Variants in QRICH1 observed in about 807,000 individuals in gnomAD.
QRICH1 encodes transcriptional regulator QRICH1.
In QRICH1, 16 loss-of-function variants were observed where a neutral mutation model predicts 87.1. That is an observed-to-expected ratio of 0.18 (90% CI 0.12 to 0.28). QRICH1 has a LOEUF of 0.28. Among genes scored for constraint, QRICH1 ranks in the 10% least tolerant of loss-of-function variants. QRICH1 has a pLI of 1.00. For synonymous variants in QRICH1, 367 were observed against 368.4 expected (o/e 1.00, Z 0.05); for missense variants, 647 against 951.7 (o/e 0.68, Z 4.21).
At chr3:49,066,899 G>T (rs930825713) in intron 2 of QRICH1, among the ~76,000 whole-genome samples, 1 of 151,818 alleles carries the variant, frequency 6.6e-6, no homozygotes, top group Non-Finnish European at 1.5e-5. Context: ...TTACCCAGAC[G>T]TGGTGGTGTG....
chr3:49,066,464 T>C (rs544321068), intron 2 of QRICH1, among the ~76,000 whole-genome samples: 2 of 150,576 alleles, frequency 1.3e-5, no homozygotes, highest in African/African-American at 4.9e-5. Context: ...ACTTTACTTT[T>C]CTTTTTTTTT....
intron 6 of QRICH1, chr3:49,033,865 T>C (rs989875428): frequency 2.0e-5 from 3 of 152,122 alleles, no homozygotes; most frequent in African/African-American, 4.8e-5. Context: ...CGGGCTCCTG[T>C]AGTCCCAGCT....
At position 49,081,416 on chromosome 3, in the gene QRICH1, TAAAAAAAAA is replaced by T. The variant is rs771412819; in HGVS notation, c.-21-4387_-21-4379del. Among the ~76,000 whole-genome samples the T allele has an allele frequency of 3.7e-5, 5 of 135,284 alleles. No individual in the cohort carries two copies. The East Asian group carries it at 1.1e-3, about 29-fold the overall frequency. 88.8% of individuals were successfully genotyped at this position (135,284 alleles called of 152,430 possible). A position where few individuals can be genotyped will look rare whatever the true frequency, so the allele number is the denominator to read the frequency against. ...TAGGCAACAGAGTGAGACTCCATCTTAAAAAAAAAAAAAAAAAAATTTCAGAGTATCTAT... is the reference window on the plus strand; with the variant it reads ...TAGGCAACAGAGTGAGACTCCATCTTAAAAAAAAAATTTCAGAGTATCTAT... On this transcript the variant is annotated intron_variant, in intron 1 of 9. Transcript: ENST00000395443.
At chr3:49,080,821 G>C (rs1173042570) in intron 1 of QRICH1, among the ~76,000 whole-genome samples, 4 of 150,884 alleles carry the variant, frequency 2.7e-5, no homozygotes, top group African/African-American at 7.3e-5. Context: ...TGGGGACAGG[G>C]ATATGAAACT....
At position 49,047,109 on chromosome 3, in the gene QRICH1, T is replaced by C; in HGVS notation, c.1476A>G (p.Glu492=). Reference sequence around the variant, plus strand: ...ATCTGTTCTGAGCATCCTTCTCTAGTTCAGCATTCTTGGTCTGGGCCCAGT... The same window carrying C: ...ATCTGTTCTGAGCATCCTTCTCTAGCTCAGCATTCTTGGTCTGGGCCCAGT... ...WKNWAQTKNA[E]LEKDAQNRLA... is the part of the protein sequence containing the mutation. The change falls in exon 4 of 10, where the codon GAA becomes GAG. Residue 492 remains glutamate, a synonymous_variant. Coordinates refer to ENST00000395443, the MANE Select transcript of QRICH1 (RefSeq NM_198880.3). 1.9e-6 allele frequency: 3 copies of C among 1,614,172 alleles called. No individual in the cohort carries two copies. The highest frequency in any genetic ancestry group is 2.7e-5 in the African/African-American group (2 of 75,048).
At chr3:49,051,375 C>T (rs1017274385) in intron 3 of QRICH1, among the ~76,000 whole-genome samples, 1 of 152,158 alleles carries the variant, frequency 6.6e-6, no homozygotes, top group African/African-American at 2.4e-5. Context: ...CCCGGACCTC[C>T]CTCAGCTATC....
At chr3:49,056,454 G>C (rs907624739) in intron 3 of QRICH1, among the ~76,000 whole-genome samples, 5 of 152,180 alleles carry the variant, frequency 3.3e-5, no homozygotes, top group African/African-American at 1.2e-4. Context: ...CCAGTGATGA[G>C]TTTGTAATCT....
chr3:49,088,609 CTTT>C (rs1170931678), intron 1 of QRICH1, among the ~76,000 whole-genome samples: 1 of 143,644 alleles, frequency 7.0e-6, no homozygotes, highest in African/African-American at 2.6e-5. Flanking sequence ...CTGCACCAGG[CTTT>C]TGTCTGTTTT....
chr3:49,075,027 A>C (rs1002471730), intron 2 of QRICH1, among the ~76,000 whole-genome samples: 2 of 151,874 alleles, frequency 1.3e-5, no homozygotes, highest in Admixed American at 1.3e-4. Context: ...ACAGTACTCG[A>C]AAATATTTTT....
chr3:49,093,740 T>A, intron 1 of QRICH1, 172 bp downstream of exon 1: 1 of 281,808 alleles, frequency 3.5e-6, no homozygotes, highest in Non-Finnish European at 6.6e-6. Context: ...CCCTCCCCCA[T>A]CCACAGGGCG....
At chr3:49,068,588 G>A (rs2093481755) in intron 2 of QRICH1, among the ~76,000 whole-genome samples, 1 of 151,704 alleles carries the variant, frequency 6.6e-6, no homozygotes, top group African/African-American at 2.4e-5. Context: ...TCATGCCACT[G>A]CACTCCAGCA....
intron 3 of QRICH1, among the ~76,000 whole-genome samples, chr3:49,055,137 T>C (rs2093393516): frequency 6.6e-6 from 1 of 152,228 alleles, no homozygotes; most frequent in African/African-American, 2.4e-5. Context: ...GCTAGATATT[T>C]AGCAGGTCCT....
chr3:49,062,806 G>C (rs1372766202), intron 2 of QRICH1, among the ~76,000 whole-genome samples: 6 of 151,878 alleles, frequency 4.0e-5, no homozygotes, highest in African/African-American at 1.4e-4. Flanking sequence ...AGGAGATCAA[G>C]ACCATCCTGG....
intron 2 of QRICH1, among the ~76,000 whole-genome samples, chr3:49,063,604 C>G (rs992078832): frequency 6.6e-6 from 1 of 152,138 alleles, no homozygotes; most frequent in African/African-American, 2.4e-5. Flanking sequence ...ACCTGGGCAA[C>G]ATAGTGACAC....
intron 3 of QRICH1, among the ~76,000 whole-genome samples, chr3:49,047,664 G>T (rs2093346573): frequency 6.6e-6 from 1 of 151,848 alleles, no homozygotes; most frequent in Non-Finnish European, 1.5e-5. Flanking sequence ...TATAATTTTA[G>T]TCGAGACGGA....
At chr3:49,093,527 G>C (rs2042319992) in intron 1 of QRICH1, 1 of 151,850 alleles carries the variant, frequency 6.6e-6, no homozygotes, top group Non-Finnish European at 1.5e-5. Flanking sequence ...CAAAACTGGG[G>C]GTCGTCACGG....
chr3:49,030,991 CTTTTTTT>C (rs1162254467), intron 9 of QRICH1, among the ~76,000 whole-genome samples: 2 of 132,450 alleles, frequency 1.5e-5, no homozygotes, highest in African/African-American at 2.8e-5. Flanking sequence ...AGTCTTTGCG[CTTTTTTT>C]TTTTTTTTTT....
intron 6 of QRICH1, among the ~76,000 whole-genome samples, chr3:49,043,162 T>C (rs1243035218): frequency 6.6e-6 from 1 of 152,152 alleles, no homozygotes; most frequent in Non-Finnish European, 1.5e-5. Context: ...TCTCTGTACT[T>C]ACTGCTAAAT....
At chr3:49,039,609 ACTCCAT>A (rs2093297595) in intron 6 of QRICH1, among the ~76,000 whole-genome samples, 1 of 131,706 alleles carries the variant, frequency 7.6e-6, no homozygotes, top group African/African-American at 3.0e-5. Flanking sequence ...CAACACAGAG[ACTCCAT>A]CTCAAAAAAA....
Sources: gnomAD v4.1 joint callset for allele counts (sites outside exome capture counted in the v4.1 genomes callset) on GRCh38, gnomAD v4.1.1 for gene constraint, MANE v1.5 for transcripts, NCBI Gene and HGNC (gene_info 2026-07-23, HGNC 2026-07-21) for gene names.